KCNH7: variants seen among roughly 807,000 people sequenced by gnomAD.
KCNH7 encodes voltage-gated inwardly rectifying potassium channel KCNH7.
Under a neutral mutation model 120.8 loss-of-function variants are expected in KCNH7, and 49 were observed. That is an observed-to-expected ratio of 0.41 (90% CI 0.32 to 0.51). The LOEUF is 0.51. Among genes scored for constraint, KCNH7 ranks in the 20% least tolerant of loss-of-function variants. KCNH7 has a pLI of 0.38. For missense variants in KCNH7, 1,097 were observed against 1,446.6 expected (o/e 0.76, Z 3.92); for synonymous variants, 547 against 516.1 (o/e 1.06, Z -0.81).
At chr2:162,759,868 C>A (rs968484235) in intron 2 of KCNH7, among the ~76,000 whole-genome samples, 2 of 152,128 alleles carry the variant, frequency 1.3e-5, no homozygotes, top group Admixed American at 6.6e-5. Flanking sequence ...TTTGCTTCCA[C>A]TAATTGTTCT....
At chr2:162,792,206 T>C (rs1258452050) in intron 2 of KCNH7, among the ~76,000 whole-genome samples, 2 of 152,208 alleles carry the variant, frequency 1.3e-5, no homozygotes, top group Non-Finnish European at 2.9e-5. Flanking sequence ...TTGAGGATTT[T>C]TGCATCAATG....
intron 10 of KCNH7, among the ~76,000 whole-genome samples, chr2:162,399,724 T>C (rs1370535077): frequency 6.6e-6 from 1 of 151,892 alleles, no homozygotes; most frequent in Non-Finnish European, 1.5e-5. Flanking sequence ...TTCCATTTAA[T>C]CCGACGCGGC....
At chr2:162,530,018 C>G (rs557525617) in intron 3 of KCNH7, among the ~76,000 whole-genome samples, 1 of 151,988 alleles carries the variant, frequency 6.6e-6, no homozygotes, top group African/African-American at 2.4e-5. Context: ...CTAATTGTGG[C>G]TAGTTCCAGG....
At chr2:162,399,592 C>A (rs1293440324) in intron 10 of KCNH7, among the ~76,000 whole-genome samples, 1 of 151,778 alleles carries the variant, frequency 6.6e-6, no homozygotes, top group Non-Finnish European at 1.5e-5. Flanking sequence ...GCAGATTAAA[C>A]ATGTGTTTTC....
chr2:162,491,813 G>A (rs765097748), intron 6 of KCNH7, among the ~76,000 whole-genome samples: 2 of 152,128 alleles, frequency 1.3e-5, no homozygotes, highest in Non-Finnish European at 2.9e-5. Context: ...CTTTCTAGAT[G>A]GGTAGCCATT....
chr2:162,642,185 G>C (rs1364401888), intron 2 of KCNH7, among the ~76,000 whole-genome samples: 1 of 152,110 alleles, frequency 6.6e-6, no homozygotes, highest in African/African-American at 2.4e-5. Context: ...GACGGCTTCT[G>C]TCTGGACTCT....
At chr2:162,622,994 A>T (rs1446742926) in intron 2 of KCNH7, among the ~76,000 whole-genome samples, 2 of 152,178 alleles carry the variant, frequency 1.3e-5, no homozygotes, top group African/African-American at 4.8e-5. Flanking sequence ...AAAGATAGAA[A>T]AAAGGAAGTA....
At chr2:162,386,482 T>G (rs1275616733) in intron 12 of KCNH7, among the ~76,000 whole-genome samples, 2 of 151,884 alleles carry the variant, frequency 1.3e-5, no homozygotes, top group Non-Finnish European at 2.9e-5. Flanking sequence ...TTTTTCTAAA[T>G]TATCCTCATA....
At chr2:162,385,300 C>T (rs1377858602) in intron 12 of KCNH7, among the ~76,000 whole-genome samples, 1 of 151,826 alleles carries the variant, frequency 6.6e-6, no homozygotes, top group East Asian at 1.9e-4. Flanking sequence ...TTTAAAATAT[C>T]ACCACTATGC....
At chr2:162,617,872 A>AT (rs942526332) in intron 2 of KCNH7, among the ~76,000 whole-genome samples, 12 of 152,054 alleles carry the variant, frequency 7.9e-5, no homozygotes, top group Non-Finnish European at 1.3e-4. Context: ...CATTTAGAAT[A>AT]TTTTTTTCTA....
chr2:162,424,888 C>T (rs1687810377), intron 8 of KCNH7, among the ~76,000 whole-genome samples: 1 of 152,128 alleles, frequency 6.6e-6, no homozygotes, highest in African/African-American at 2.4e-5. Context: ...TTTATATCAA[C>T]TTGACTGGGC....
intron 2 of KCNH7, among the ~76,000 whole-genome samples, chr2:162,770,339 C>T (rs561748296): frequency 1.3e-5 from 2 of 148,616 alleles, no homozygotes; most frequent in African/African-American, 2.5e-5. Context: ...TATATATATA[C>T]ATTCATATAT....
intron 2 of KCNH7, among the ~76,000 whole-genome samples, chr2:162,711,350 T>G (rs1686923796): frequency 6.6e-6 from 1 of 152,232 alleles, no homozygotes; most frequent in African/African-American, 2.4e-5. Context: ...GTCTCTGGCT[T>G]TGCCAGGAAG....
intron 6 of KCNH7, among the ~76,000 whole-genome samples, chr2:162,479,194 T>A (rs1450042795): frequency 1.3e-5 from 2 of 150,138 alleles, no homozygotes; most frequent in African/African-American, 4.9e-5. Flanking sequence ...TCAAAAAAAG[T>A]CATTCAATAG....
At chr2:162,825,295 G>A (rs1685243426) in intron 2 of KCNH7, among the ~76,000 whole-genome samples, 1 of 151,720 alleles carries the variant, frequency 6.6e-6, no homozygotes, top group South Asian at 2.1e-4. Flanking sequence ...TTTTTTTAAT[G>A]GGAAAATAAA....
intron 8 of KCNH7, among the ~76,000 whole-genome samples, chr2:162,430,404 CATA>C (rs1688024364): frequency 6.6e-6 from 1 of 151,976 alleles, no homozygotes; most frequent in Admixed American, 6.6e-5. Flanking sequence ...TTTTCTTTTC[CATA>C]ACTACATCTC....
Position 162,423,332 on chromosome 2 carries a change from A to G in KCNH7, c.2154+4T>C, listed in dbSNP as rs775684999. 5.0e-6 allele frequency: 8 copies of G among 1,614,072 alleles called. No individual in the cohort carries two copies. Among genetic ancestry groups the G allele is most frequent in the Non-Finnish European group, 6.8e-6 (8 of 1,179,928 alleles). ...CTTTCATTTTGGAAAACAGACATAC[A>G]TACCATGTTCATGTCAATGCCATTG... On this transcript the variant is annotated splice_donor_region_variant and intron_variant, in intron 9 of 15. Transcript: ENST00000332142.
intron 2 of KCNH7, among the ~76,000 whole-genome samples, chr2:162,581,121 C>T (rs1001861072): frequency 3.9e-5 from 6 of 152,078 alleles, no homozygotes; most frequent in African/African-American, 9.6e-5. Context: ...GCAGGCTTCA[C>T]GCAACTGAAA....
At chr2:162,755,222 C>T (rs1466513472) in intron 2 of KCNH7, among the ~76,000 whole-genome samples, 1 of 151,970 alleles carries the variant, frequency 6.6e-6, no homozygotes, top group East Asian at 1.9e-4. Context: ...AATCCTAGCA[C>T]TTTGGGAGGC....
Sources: gnomAD v4.1 joint callset for allele counts (sites outside exome capture counted in the v4.1 genomes callset) on GRCh38, gnomAD v4.1.1 for gene constraint, MANE v1.5 for transcripts, NCBI Gene and HGNC (gene_info 2026-07-23, HGNC 2026-07-21) for gene names.